PWWP2A: variants seen among roughly 807,000 people sequenced by gnomAD.
PWWP2A encodes the protein PWWP domain containing 2A.
PWWP2A carries 18 observed loss-of-function variants against 48.5 expected under a neutral mutation model. The observed-to-expected ratio is 0.37, with a 90% CI of 0.26 to 0.55. PWWP2A has a LOEUF of 0.55. Among genes scored for constraint, PWWP2A ranks in the 20% least tolerant of loss-of-function variants. The pLI is 0.81. For synonymous variants in PWWP2A, 396 were observed against 387.7 expected (o/e 1.02, Z -0.25); for missense variants, 867 against 976.4 (o/e 0.89, Z 1.49).
At chr5:160,068,553 C>T (rs374405743) in intron 2 of PWWP2A, among the ~76,000 whole-genome samples, 4 of 152,180 alleles carry the variant, frequency 2.6e-5, no homozygotes, top group South Asian at 2.1e-4. Flanking sequence ...AAGCTGAGAT[C>T]GTGCCACTGC....
chr5:160,116,617 A>G, intron 1 of PWWP2A: 1 of 974,106 alleles, frequency 1.0e-6, no homozygotes, highest in Non-Finnish European at 1.2e-6. Context: ...ATTCTCCACT[A>G]AAGAAAATTT....
chr5:160,072,553 C>T (rs1041883915), downstream of PWWP2A, among the ~76,000 whole-genome samples: 2 of 152,118 alleles, frequency 1.3e-5, no homozygotes, highest in Admixed American at 6.6e-5. Flanking sequence ...AGAGAAACCC[C>T]GTCGCTACAA....
At chr5:160,045,415 GGTTT>G in the PWWP2A span, among the ~76,000 whole-genome samples, 10 of 138,320 alleles carry the variant, frequency 7.2e-5, no homozygotes, top group Admixed American at 3.0e-4. Flanking sequence ...ATATCAATAT[GGTTT>G]GTTTGTATTG....
intron 2 of PWWP2A, among the ~76,000 whole-genome samples, chr5:160,068,727 ATGT>A (rs780769361): frequency 2.6e-5 from 4 of 152,240 alleles, no homozygotes; most frequent in South Asian, 2.1e-4. Context: ...GGCCACATTT[ATGT>A]TGTTAATAGC....
downstream of PWWP2A, among the ~76,000 whole-genome samples, chr5:160,073,416 A>G (rs1043468276): frequency 1.3e-5 from 2 of 151,750 alleles, no homozygotes; most frequent in Non-Finnish European, 1.5e-5. Context: ...TTTAGTAGAG[A>G]CAGAGTTTCA....
At chr5:160,073,921 C>T (rs1313801408), downstream of PWWP2A, among the ~76,000 whole-genome samples, 3 of 151,526 alleles carry the variant, frequency 2.0e-5, no homozygotes, top group Non-Finnish European at 4.4e-5. Flanking sequence ...AAAAATTAGC[C>T]GGGCATGGGG....
chr5:160,086,608 A>C (rs1408635229), downstream of PWWP2A, among the ~76,000 whole-genome samples: 1 of 151,950 alleles, frequency 6.6e-6, no homozygotes, highest in Non-Finnish European at 1.5e-5. Flanking sequence ...TCAAGGCTTT[A>C]TGGGCCAGGC....
In PWWP2A at chr5:160,103,809, G is replaced by A. The variant is rs762522240; in HGVS notation, c.585-9744C>T. Among the ~76,000 whole-genome samples the A allele has an allele frequency of 5.3e-5, 8 of 152,056 alleles. No homozygotes were observed. In the East Asian group the frequency reaches 5.8e-4, roughly 11 times the overall value. On this transcript the variant is annotated intron_variant, in intron 1 of 1. Coordinates refer to ENST00000307063, the MANE Select transcript of PWWP2A (RefSeq NM_001130864.2). ...CTGCCAGTTTAAGAGTATGATAGAC[G>A]GAGAATAACCAGTCTCTTAATAAGA...
chr5:160,091,471 T>C lies in PWWP2A; in HGVS notation c.*911A>G. The stretch of plus-strand genomic sequence containing the variant: ...GATACCTTAAACGGAAATTATTTTG[T>C]TTTAATTATCAAATTAGGTACATCC... On this transcript the variant is annotated 3_prime_UTR_variant, in exon 2 of 2. Coordinates refer to ENST00000307063, the MANE Select transcript of PWWP2A (RefSeq NM_001130864.2). 1.0e-6 allele frequency: 1 copy of C among 981,798 alleles called. No homozygotes were observed. The allele number at this position is 981,798 out of a possible 1,614,324, so 60.8% of individuals were successfully genotyped here. A position where few individuals can be genotyped will look rare whatever the true frequency, so the allele number is the denominator to read the frequency against.
chr5:160,078,154 G>A lies in PWWP2A; in HGVS notation c.*1C>T, dbSNP rs1753980170. 6.4e-7 allele frequency: 1 copy of A among 1,557,384 alleles called. No homozygotes were observed. The highest frequency in any genetic ancestry group is 8.7e-7 in the Non-Finnish European group (1 of 1,148,636). ...TACAGGTCCATGAAACCAGCAGCCT[G>A]CTAATGTCTTTGTGCTGAAATATAG... On this transcript the variant is annotated 3_prime_UTR_variant, in exon 4 of 4. Coordinates refer to the PWWP2A transcript ENST00000456329. The surrounding 1 kb of genome is among the most constrained non-coding windows in gnomAD (Gnocchi z 4.2).
At chr5:160,087,889 G>A (rs1754765195), downstream of PWWP2A, among the ~76,000 whole-genome samples, 1 of 152,132 alleles carries the variant, frequency 6.6e-6, no homozygotes, top group Non-Finnish European at 1.5e-5. Flanking sequence ...TCTTATATTA[G>A]TGTCAATTAT....
the PWWP2A span, among the ~76,000 whole-genome samples, chr5:160,051,627 A>C: frequency 2.6e-5 from 4 of 152,328 alleles, no homozygotes; most frequent in East Asian, 7.7e-4. Context: ...AGTGTTTGAG[A>C]ACACACGAGA....
At position 160,091,959 on chromosome 5, in the gene PWWP2A, C is replaced by CATAT; in HGVS notation, c.*419_*422dup. 2.1e-6 allele frequency: 2 copies of CATAT among 940,222 alleles called. No homozygotes were observed. The highest frequency in any genetic ancestry group is 2.4e-4 in the East Asian group (2 of 8,352). The allele number at this position is 940,222 out of a possible 1,614,324, so 58.2% of individuals were successfully genotyped here. A position where few individuals can be genotyped will look rare whatever the true frequency, so the allele number is the denominator to read the frequency against. ...TGTCACACAGTGACAGGCTGTATTT[C>CATAT]ATATATATATATGTGTATATATACA... On this transcript the variant is annotated 3_prime_UTR_variant, in exon 2 of 2. Coordinates refer to ENST00000307063, the MANE Select transcript of PWWP2A (RefSeq NM_001130864.2).
In PWWP2A at chr5:160,093,014, G is replaced by A. The variant is rs1755239213; in HGVS notation, c.1636C>T (p.Pro546Ser). Residue 546 changes from proline (P) to serine (S), a missense_variant, in exon 2 of 2, where the codon CCT (proline) becomes TCT (serine). Pro to Ser is a moderately conservative substitution (Grantham distance 74). This residue lies in a region of PWWP2A where 382 missense variants were observed against 407.2 expected (regional missense o/e 0.94). Transcript: ENST00000307063. The surrounding 1 kb of genome is among the most constrained non-coding windows in gnomAD (Gnocchi z 5.8). ...EVQDTNEVHV[P>S]GDQDEPQTLG... ...GTCTGTGGTTCATCCTGATCACCAGGCACATGCACTTCATTTGTGTCCTGA... is the reference window on the plus strand; with the variant it reads ...GTCTGTGGTTCATCCTGATCACCAGACACATGCACTTCATTTGTGTCCTGA... 3 of 1,590,344 alleles carry A rather than the reference G, an allele frequency of 1.9e-6. No homozygotes were observed. Among genetic ancestry groups the A allele is most frequent in the South Asian group, 1.1e-5 (1 of 87,766 alleles).
chr5:160,114,768 TAAA>T (rs56276633), intron 1 of PWWP2A, among the ~76,000 whole-genome samples: 295 of 129,000 alleles, frequency 2.3e-3, no homozygotes, highest in South Asian at 6.5e-3. Context: ...GTCTCAAGGG[TAAA>T]AAAAAAAAAA....
At chr5:160,114,574 G>A (rs1366490717) in intron 1 of PWWP2A, among the ~76,000 whole-genome samples, 1 of 152,004 alleles carries the variant, frequency 6.6e-6, no homozygotes, top group Non-Finnish European at 1.5e-5. Flanking sequence ...GACCAGCCTG[G>A]CCAACACAGT....
At position 160,093,312 on chromosome 5, in the gene PWWP2A, G is replaced by A; in HGVS notation, c.1338C>T (p.Thr446=). 6.2e-7 allele frequency: 1 copy of A among 1,613,900 alleles called. No homozygotes were observed. The highest frequency in any genetic ancestry group is 8.5e-7 in the Non-Finnish European group (1 of 1,179,840). Reference sequence around the variant, plus strand: ...TTGAATGTGCATTTTTGGAAGTAGAGGTTTCATTTTGCTTCTTTTGTGCCT... The same window carrying A: ...TTGAATGTGCATTTTTGGAAGTAGAAGTTTCATTTTGCTTCTTTTGTGCCT... ...KEKAQKKQNE[T]STSKNAHSKV... The change falls in exon 2 of 2, where the codon ACC becomes ACT. Residue 446 remains threonine, a synonymous_variant. Coordinates refer to ENST00000307063, the MANE Select transcript of PWWP2A (RefSeq NM_001130864.2). This position sits in a 1 kb window ranked among gnomAD's most constrained non-coding sequence, Gnocchi z 5.8.
In PWWP2A at chr5:160,092,830, G is replaced by A. The variant is rs753586124; in HGVS notation, c.1820C>T (p.Pro607Leu). Residue 607 changes from proline to leucine, a missense_variant, in exon 2 of 2, where the codon CCT becomes CTT. By Grantham distance (98) the Pro-to-Leu change is moderately conservative. Coordinates refer to ENST00000307063, the MANE Select transcript of PWWP2A (RefSeq NM_001130864.2). ...GGAAGGTGCATGCATACTGCCTGGA[G>A]GAAAATCAAAGCTTTCAGAAGAACT... is the stretch of plus-strand genomic sequence containing the variant. ...ECSSSESFDF[P>L]PGSMHAPSTS... 4 of 1,551,540 alleles carry A rather than the reference G, an allele frequency of 2.6e-6. No individual in the cohort carries two copies. The highest frequency in any genetic ancestry group is 3.5e-6 in the Non-Finnish European group (4 of 1,146,992).
chr5:160,085,616 C>T (rs943308092), intron 2 of PWWP2A, among the ~76,000 whole-genome samples: 1 of 148,204 alleles, frequency 6.7e-6, no homozygotes, highest in African/African-American at 2.5e-5. Flanking sequence ...AAGCAATTCT[C>T]TTGCCTCAGC....
Sources: gnomAD v4.1 joint callset for allele counts (sites outside exome capture counted in the v4.1 genomes callset) on GRCh38, gnomAD v4.1.1 for gene constraint, gnomAD v4.1.1 regional missense constraint, Gnocchi (gnomAD v3.1) non-coding constraint, MANE v1.5 for transcripts, NCBI Gene and HGNC (gene_info 2026-07-23, HGNC 2026-07-21) for gene names.